B3GAT1: variants seen among roughly 807,000 people sequenced by gnomAD.
The protein encoded by B3GAT1 is beta-1,3-glucuronyltransferase 1.
A neutral mutation model predicts 28.4 loss-of-function variants in B3GAT1; 11 were observed. The observed-to-expected ratio is 0.39, with a 90% CI of 0.24 to 0.64. B3GAT1 has a LOEUF of 0.64. B3GAT1 is among the 30% of genes least tolerant of loss of function. The probability of loss-of-function intolerance (pLI) is 0.50; values close to 1 mark genes in which losing one functional copy is unlikely to be tolerated. For missense variants in B3GAT1, 375 were observed against 491.0 expected, an observed-to-expected ratio of 0.76 and a Z score of 2.23; for synonymous variants, 255 against 223.1, an observed-to-expected ratio of 1.14 and a Z score of -1.27.
chr11:134,403,979 TTCTTTATATA>T lies in B3GAT1; in HGVS notation c.-282+7818_-282+7827del, dbSNP rs1163843852. ...GTCATTTAACGGGTACAGAGTTTCT[TTCTTTATATA>T]TATATATATATATATATATATATAT... On this transcript the variant is annotated intron_variant, in intron 1 of 5. Transcript: ENST00000312527. Among the ~76,000 whole-genome samples, 474 of 96,968 alleles carry T rather than the reference TTCTTTATATA, an allele frequency of 4.9e-3. 18 individuals carry two copies. The highest frequency in any genetic ancestry group is 0.019 in the African/African-American group (460 of 24,058). 63.6% of individuals were successfully genotyped at this position (96,968 alleles called of 152,430 possible).
At chr11:134,400,691 T>G (rs1351474547) in intron 1 of B3GAT1, among the ~76,000 whole-genome samples, 1 of 152,234 alleles carries the variant, frequency 6.6e-6, no homozygotes, top group Non-Finnish European at 1.5e-5. Context: ...AACACCATTT[T>G]GGACATCAGC....
At chr11:134,410,672 A>G (rs1405808942) in intron 1 of B3GAT1, among the ~76,000 whole-genome samples, 1 of 152,220 alleles carries the variant, frequency 6.6e-6, no homozygotes, top group African/African-American at 2.4e-5. Context: ...GGGCGACATA[A>G]GCACAGAAGA....
chr11:134,387,283 T>G, intron 2 of B3GAT1: 1 of 412,814 alleles, frequency 2.4e-6, no homozygotes, highest in Non-Finnish European at 4.4e-6. Flanking sequence ...CCCCCTCCTC[T>G]TGGGTGCTGA....
chr11:134,384,180 T>C lies in B3GAT1; in HGVS notation c.121A>G (p.Ser41Gly). ...PLLAVHKDEG[S>G]DPRRETPPGA... ...GGCGGCGTTTCGCGTCGGGGGTCAC[T>C]GCCCTCATCTGCGGAGTCGGGAGAC... is the stretch of plus-strand genomic sequence containing the variant. The change falls in exon 3 of 6, where the codon AGT becomes GGT. Residue 41 changes from serine (S) to glycine (G), a missense_variant. Ser to Gly is a moderately conservative substitution (Grantham distance 56). Transcript: ENST00000312527. The C allele has an allele frequency of 6.5e-7, 1 of 1,538,662 alleles. No homozygotes were observed. The highest frequency in any genetic ancestry group is 8.7e-7 in the Non-Finnish European group (1 of 1,143,210).
In B3GAT1 at chr11:134,385,274, A is replaced by G. The variant is rs577488014; in HGVS notation, c.113-1086T>C. ...TCGGTGGGGACAGAACCAGCAAGTC[A>G]CACCAAAGGGGAGGACCCCGGGCAT... On this transcript the variant is annotated intron_variant, in intron 2 of 5. Transcript: ENST00000312527. The G allele has an allele frequency of 3.3e-5, 5 of 152,426 alleles. No homozygotes were observed. In the East Asian group the frequency reaches 7.7e-4, roughly 24 times the overall value. 9.4% of individuals were successfully genotyped at this position (152,426 alleles called of 1,614,324 possible).
chr11:134,392,288 G>A (rs944774581), intron 1 of B3GAT1: 2 of 152,188 alleles, frequency 1.3e-5, no homozygotes, highest in African/African-American at 2.4e-5. Flanking sequence ...TTAAGGGCCC[G>A]TGGAACTGAG....
At chr11:134,386,548 TC>T (rs1944291975) in intron 2 of B3GAT1, 1 of 152,166 alleles carries the variant, frequency 6.6e-6, no homozygotes, top group African/African-American at 2.4e-5. Context: ...CCCTAGTTCT[TC>T]CACTAGTTCT....
In B3GAT1 at chr11:134,384,051, G is replaced by T; in HGVS notation, c.250C>A (p.Pro84Thr). Residue 84 changes from proline (P) to threonine (T), a missense_variant, in exon 3 of 6, where the codon CCC (proline) becomes ACC (threonine). Transcript: ENST00000312527. ...GTGGGCGTCACCACGTGGATGGTGGGCAGCGTGTCGGACCATGGCGGGGGC... is the reference window on the plus strand; with the variant it reads ...GTGGGCGTCACCACGTGGATGGTGGTCAGCGTGTCGGACCATGGCGGGGGC... Reference protein sequence around the residue: ...TRPPPWSDTLPTIHVVTPTYS... With the variant: ...TRPPPWSDTLTTIHVVTPTYS... The T allele has an allele frequency of 6.2e-7, 1 of 1,605,058 alleles. No individual in the cohort carries two copies. Among genetic ancestry groups the T allele is most frequent in the Non-Finnish European group, 8.5e-7 (1 of 1,178,920 alleles).
intron 1 of B3GAT1, among the ~76,000 whole-genome samples, chr11:134,401,975 G>T (rs957628722): frequency 3.2e-5 from 4 of 123,640 alleles, no homozygotes; most frequent in East Asian, 3.6e-4. Context: ...TGGGGCGGGG[G>T]GGGGCGGGCA....
chr11:134,384,322 G>A, intron 2 of B3GAT1, 134 bp from the exon 3 acceptor site: 2 of 1,199,408 alleles, frequency 1.7e-6, no homozygotes, highest in Non-Finnish European at 2.3e-6. Flanking sequence ...CCCCCGCCTT[G>A]CCTGACCTGT....
intron 2 of B3GAT1, chr11:134,386,307 G>A (rs1275409024): frequency 6.6e-6 from 1 of 152,252 alleles, no homozygotes; most frequent in Admixed American, 6.5e-5. Flanking sequence ...CTCTCTGCAT[G>A]GGCTTGGTGC....
chr11:134,410,034 T>C (rs1437711192), intron 1 of B3GAT1, among the ~76,000 whole-genome samples: 1 of 152,174 alleles, frequency 6.6e-6, no homozygotes, highest in East Asian at 1.9e-4. Flanking sequence ...AAAGTATATC[T>C]GACTTGGTCC....
At position 134,387,924 on chromosome 11, in the gene B3GAT1, C is replaced by A. The variant is rs1044652103; in HGVS notation, c.-265G>T. The A allele has an allele frequency of 2.1e-6, 3 of 1,442,488 alleles. No homozygotes were observed. The highest frequency in any genetic ancestry group is 2.8e-6 in the Non-Finnish European group (3 of 1,077,094). 89.4% of individuals were successfully genotyped at this position (1,442,488 alleles called of 1,614,324 possible). A position where few individuals can be genotyped will look rare whatever the true frequency, so the allele number is the denominator to read the frequency against. On this transcript the variant is annotated 5_prime_UTR_variant, in exon 2 of 6. Coordinates refer to ENST00000312527, the MANE Select transcript of B3GAT1 (RefSeq NM_054025.3). The stretch of plus-strand genomic sequence containing the variant: ...GCTGTCCAGGGGCAGGGGTCAGGAA[C>A]CCTGGGGGGTGGACACCTGCAAGAG...
intron 1 of B3GAT1, among the ~76,000 whole-genome samples, chr11:134,398,673 G>A (rs982698338): frequency 6.6e-6 from 1 of 152,184 alleles, no homozygotes; most frequent in Non-Finnish European, 1.5e-5. Context: ...GCCAGGCAGG[G>A]GTCCTTGCCG....
chr11:134,403,983 T>TTATA (rs55794505), intron 1 of B3GAT1, among the ~76,000 whole-genome samples: 1,707 of 40,020 alleles, frequency 0.043, 85 homozygotes, highest in East Asian at 0.053. Context: ...GTTTCTTTCT[T>TTATA]TATATATATA....
At position 134,387,579 on chromosome 11, in the gene B3GAT1, G is replaced by A. The variant is rs539063243; in HGVS notation, c.81C>T (p.Ser27=). 3.7e-6 allele frequency: 6 copies of A among 1,614,116 alleles called. No individual in the cohort carries two copies. The East Asian group carries it at 1.3e-4, about 36-fold the overall frequency. The change falls in exon 2 of 6, where the codon AGC becomes AGT. Residue 27 remains serine, a synonymous_variant. Coordinates refer to ENST00000312527, the MANE Select transcript of B3GAT1 (RefSeq NM_054025.3). The part of the protein sequence containing the change: ...WTLLITVWHQ[S]TLAPLLAVHK... The stretch of plus-strand genomic sequence containing the variant: ...GTACCGCGAGCAGGGGTGCGAGGGT[G>A]CTCTGGTGCCAGACAGTGATGAGCA...
Position 134,393,688 on chromosome 11 carries a change from G to A in B3GAT1, c.-281-5748C>T, listed in dbSNP as rs958483706. ...AGTAGCAAGCGAGACGGTGAGTGCT[G>A]TGAACAGGCTGGGAACCGGCGTCAC... On this transcript the variant is annotated intron_variant, in intron 1 of 5. Coordinates refer to ENST00000312527, the MANE Select transcript of B3GAT1 (RefSeq NM_054025.3). This position sits in a 1 kb window ranked among gnomAD's most constrained non-coding sequence, Gnocchi z 4.0. Among the ~76,000 whole-genome samples the A allele has an allele frequency of 3.3e-5, 5 of 152,226 alleles. No homozygotes were observed. The highest frequency in any genetic ancestry group is 3.3e-4 in the Admixed American group (5 of 15,286).
chr11:134,390,940 T>A (rs1944398331), intron 1 of B3GAT1: 1 of 152,154 alleles, frequency 6.6e-6, no homozygotes, highest in African/African-American at 2.4e-5. Context: ...CTGCAATGGC[T>A]GCCCCCACTG....
rs1483426079 is a variant in B3GAT1, at chr11:134,378,647, C to T, written c.*2115G>A. On this transcript the variant is annotated 3_prime_UTR_variant, in exon 6 of 6. Transcript: ENST00000312527. ...AGAACTCCTAGCCCCTGGCCTCACT[C>T]CTGTGTGGTGGGGCTTGCCAGCGAG... The T allele has an allele frequency of 6.6e-6, 1 of 152,238 alleles. No homozygotes were observed. Among genetic ancestry groups the T allele is most frequent in the African/African-American group, 2.4e-5 (1 of 41,450 alleles). 9.4% of individuals were successfully genotyped at this position (152,238 alleles called of 1,614,324 possible). A position where few individuals can be genotyped will look rare whatever the true frequency, so the allele number is the denominator to read the frequency against.
Sources: allele counts gnomAD v4.1 joint callset (sites outside exome capture counted in the v4.1 genomes callset), GRCh38; gene constraint gnomAD v4.1.1; non-coding constraint Gnocchi (gnomAD v3.1); transcripts MANE v1.5; gene names NCBI Gene and HGNC (gene_info 2026-07-23, HGNC 2026-07-21).